SCOC: variants seen among roughly 807,000 people sequenced by gnomAD.
The protein encoded by SCOC is short coiled-coil protein.
In SCOC, 7 loss-of-function variants were observed where a neutral mutation model predicts 9.9. The ratio of observed to expected loss-of-function variants is 0.71; its 90% CI spans 0.40 to 1.33. The LOEUF (loss-of-function observed/expected upper bound fraction) is 1.33. Among genes scored for constraint, SCOC ranks in the 40% most tolerant of loss-of-function variants. The pLI is 0.01. For synonymous variants in SCOC, 19 were observed against 28.2 expected (o/e 0.67, Z 1.03); for missense variants, 66 against 89.7 (o/e 0.74, Z 1.07).
intron 1 of SCOC, among the ~76,000 whole-genome samples, chr4:140,319,413 T>G (rs1377558258): frequency 6.6e-6 from 1 of 152,030 alleles, no homozygotes; most frequent in Non-Finnish European, 1.5e-5. Flanking sequence ...CTTCGTGGAG[T>G]TATTTCTGCT....
intron 1 of SCOC, among the ~76,000 whole-genome samples, chr4:140,305,115 G>T (rs1731929539): frequency 6.6e-6 from 1 of 152,338 alleles, no homozygotes; most frequent in South Asian, 2.1e-4. Context: ...CCGCATTGCA[G>T]ATAGAGTTTA....
chr4:140,345,091 A>T (rs1288039689), intron 2 of SCOC, among the ~76,000 whole-genome samples: 1 of 152,206 alleles, frequency 6.6e-6, no homozygotes, highest in Non-Finnish European at 1.5e-5. Flanking sequence ...TCAGGTGTCC[A>T]GTCCACTGTT....
At chr4:140,297,427 G>T (rs1357442246) in intron 1 of SCOC, among the ~76,000 whole-genome samples, 1 of 152,010 alleles carries the variant, frequency 6.6e-6, no homozygotes, top group Non-Finnish European at 1.5e-5. Context: ...CTTATCTCTG[G>T]CTACTCCTAC....
At chr4:140,281,890 G>A (rs1212347495) in intron 1 of SCOC, among the ~76,000 whole-genome samples, 1 of 152,170 alleles carries the variant, frequency 6.6e-6, no homozygotes, top group African/African-American at 2.4e-5. Context: ...GTTTGTGGGG[G>A]AAAATGCATT....
At chr4:140,323,668 A>G (rs1732564277) in intron 1 of SCOC, among the ~76,000 whole-genome samples, 2 of 152,202 alleles carry the variant, frequency 1.3e-5, no homozygotes, top group Admixed American at 1.3e-4. Flanking sequence ...GAGCCAAACT[A>G]CCACAACTCA....
chr4:140,258,410 T>C (rs1178372056), intron 1 of SCOC, among the ~76,000 whole-genome samples: 1 of 152,238 alleles, frequency 6.6e-6, no homozygotes, highest in African/African-American at 2.4e-5. Flanking sequence ...TCTCTATTCC[T>C]ATCTCCGTCA....
At chr4:140,339,931 C>T (rs530926902), upstream of SCOC, among the ~76,000 whole-genome samples, 1 of 152,298 alleles carries the variant, frequency 6.6e-6, no homozygotes, top group East Asian at 1.9e-4. Flanking sequence ...TACCATTTGA[C>T]CCAGCCATCC....
intron 1 of SCOC, among the ~76,000 whole-genome samples, chr4:140,288,855 C>G (rs986144715): frequency 1.3e-5 from 2 of 151,926 alleles, no homozygotes; most frequent in Non-Finnish European, 2.9e-5. Context: ...TCTATATACC[C>G]CTCATACAAA....
At chr4:140,315,140 G>C (rs1457987657) in intron 1 of SCOC, among the ~76,000 whole-genome samples, 6 of 152,136 alleles carry the variant, frequency 3.9e-5, no homozygotes, top group Non-Finnish European at 7.3e-5. Flanking sequence ...TCTCTCTTCA[G>C]TGAGTGAAAT....
intron 1 of SCOC, among the ~76,000 whole-genome samples, chr4:140,263,837 G>A (rs543366571): frequency 1.7e-4 from 26 of 152,194 alleles, no homozygotes; most frequent in Admixed American, 1.1e-3. Context: ...AAACCGTGTT[G>A]CTGGATTTTC....
At chr4:140,343,738 A>G (rs755191031) in intron 2 of SCOC, 2 of 1,498,268 alleles carry the variant, frequency 1.3e-6, no homozygotes. Flanking sequence ...CTTCTCAAAC[A>G]TACATTCAAC....
chr4:140,365,057 T>C (rs1312086406), intron 2 of SCOC, among the ~76,000 whole-genome samples: 1 of 151,744 alleles, frequency 6.6e-6, no homozygotes. Context: ...GTTGTGAAGG[T>C]CATCAAGATT....
chr4:140,369,857 ATTTTTTTTTTTTTTTTTTTTTTTTT>A (rs540817613), upstream of SCOC, among the ~76,000 whole-genome samples: 1 of 31,376 alleles, frequency 3.2e-5, no homozygotes, highest in Non-Finnish European at 7.1e-5. Flanking sequence ...CAGAAGGGGG[ATTTTTTTTTTTTTTTTTTTTTTTTT>A]TTTTTTTTTT....
chr4:140,338,081 A>G (rs1239800359), intron 1 of SCOC, among the ~76,000 whole-genome samples: 1 of 152,354 alleles, frequency 6.6e-6, no homozygotes, highest in Non-Finnish European at 1.5e-5. Context: ...CCAGCAGCAC[A>G]TCAAAAAGCT....
intron 1 of SCOC, among the ~76,000 whole-genome samples, chr4:140,257,624 G>A (rs567175562): frequency 1.3e-5 from 2 of 152,290 alleles, no homozygotes; most frequent in East Asian, 3.9e-4. Context: ...GTAAATATAG[G>A]TCAGTTATTT....
At chr4:140,347,770 T>C (rs576854979) in intron 2 of SCOC, among the ~76,000 whole-genome samples, 24 of 152,334 alleles carry the variant, frequency 1.6e-4, no homozygotes, top group Middle Eastern at 3.4e-3. Context: ...AAACAAGCTA[T>C]TGACATTTCA....
At chr4:140,373,212 G>C (rs998683935), upstream of SCOC, 1 of 1,052,480 alleles carries the variant, frequency 9.5e-7, no homozygotes, top group Non-Finnish European at 1.2e-6. Flanking sequence ...TGCTTGGTTC[G>C]CAAACGCTCT....
chr4:140,350,519 T>G (rs1273886638), intron 2 of SCOC, among the ~76,000 whole-genome samples: 2 of 152,240 alleles, frequency 1.3e-5, no homozygotes, highest in Non-Finnish European at 2.9e-5. Context: ...CTTCTTTCTA[T>G]CCACACTTCT....
At chr4:140,297,785 T>C (rs576048023) in intron 1 of SCOC, among the ~76,000 whole-genome samples, 1 of 152,022 alleles carries the variant, frequency 6.6e-6, no homozygotes, top group Non-Finnish European at 1.5e-5. Flanking sequence ...CAGGAGACAG[T>C]GGGGGGAGGG....
Sources: gnomAD v4.1 joint callset for allele counts (sites outside exome capture counted in the v4.1 genomes callset) on GRCh38, gnomAD v4.1.1 for gene constraint, MANE v1.5 for transcripts, NCBI Gene and HGNC (gene_info 2026-07-23, HGNC 2026-07-21) for gene names.